DMXL2: variants seen among roughly 807,000 people sequenced by gnomAD.
DMXL2 encodes dmX-like protein 2.
DMXL2 carries 103 observed loss-of-function variants against 331.1 expected under a neutral mutation model. The observed-to-expected ratio is 0.31, with a 90% CI of 0.27 to 0.37. DMXL2 has a LOEUF of 0.37. Among genes scored for constraint, DMXL2 ranks in the 10% least tolerant of loss-of-function variants. The pLI is 1.00. For missense variants in DMXL2, 3,171 were observed against 3,642.9 expected (o/e 0.87, Z 3.33); for synonymous variants, 1,281 against 1,252.1 (o/e 1.02, Z -0.49).
intron 6 of DMXL2, among the ~76,000 whole-genome samples, chr15:51,554,755 T>C (rs747982431): frequency 2.6e-5 from 4 of 152,188 alleles, no homozygotes; most frequent in African/African-American, 7.2e-5. Flanking sequence ...CTGGTAAGCA[T>C]GGAGCATGCT....
chr15:51,536,641 G>T lies in DMXL2; in HGVS notation c.1839C>A (p.Ile613=). 1.9e-6 allele frequency: 3 copies of T among 1,614,118 alleles called. No homozygotes were observed. The highest frequency in any genetic ancestry group is 1.3e-5 in the African/African-American group (1 of 75,038). ...TTAAAGAACCATCTATGTGTTTAGA[G>T]ATCATCATTACTGTGGGAGCTAAGA... The part of the protein sequence containing the change: ...MNILAPTVMM[I]SKHIDGSLNQ... The change falls in exon 12 of 44, where the codon ATC becomes ATA. Residue 613 remains isoleucine (I), a synonymous_variant. Coordinates refer to ENST00000560891, the MANE Select transcript of DMXL2 (RefSeq NM_001378457.1).
rs57155911 is a variant in DMXL2, at chr15:51,566,687, A to T, written c.286-1521T>A. On this transcript the variant is annotated intron_variant, in intron 3 of 43. Coordinates refer to ENST00000560891, the MANE Select transcript of DMXL2 (RefSeq NM_001378457.1). ...TGTAAAAAGATATATTCAAATACAT[A>T]TATTTAATGAAAAAATACCAAAACC... 7.3e-3 allele frequency among the ~76,000 whole-genome samples: 1,116 copies of T among 152,336 alleles called. 18 individuals carry two copies. The highest frequency in any genetic ancestry group is 0.026 in the African/African-American group (1,073 of 41,576).
chr15:51,455,226 A>G lies in DMXL2; in HGVS notation c.8529T>C (p.Cys2843=). 6.2e-7 allele frequency: 1 copy of G among 1,613,566 alleles called. No individual in the cohort carries two copies. The highest frequency in any genetic ancestry group is 8.5e-7 in the Non-Finnish European group (1 of 1,179,432). The change falls in exon 40 of 44, where the codon TGT becomes TGC. Residue 2843 remains cysteine, a splice_region_variant and synonymous_variant. Transcript: ENST00000560891. ...GAAAACCCTCTCCATCCGCAACACC[A>G]CACTGTAAGAACAGTATAACTACTA... is the stretch of plus-strand genomic sequence containing the variant. ...RLYFNSQGNK[C]GVADGEGFLS... is the part of the protein sequence containing the mutation.
intron 20 of DMXL2, among the ~76,000 whole-genome samples, chr15:51,490,018 T>C (rs768542131): frequency 1.4e-4 from 22 of 152,244 alleles, no homozygotes; most frequent in Non-Finnish European, 2.1e-4. Context: ...TTTTATCCAG[T>C]GCTTTGGAAT....
Position 51,536,321 on chromosome 15 carries a change from G to A in DMXL2, c.2159C>T (p.Ala720Val), listed in dbSNP as rs763615796. The A allele has an allele frequency of 6.2e-7, 1 of 1,614,056 alleles. No individual in the cohort carries two copies. Among genetic ancestry groups the A allele is most frequent in the East Asian group, 2.2e-5 (1 of 44,882 alleles). Residue 720 changes from alanine (A) to valine (V), a missense_variant, in exon 12 of 44, where the codon GCA becomes GTA. Transcript: ENST00000560891. ...AATRTFHDPN[A>V]IYSELILWRV... ...CCACAGAATAAGTTCACTGTAGATT[G>A]CATTTGGGTCATGAAATGTACGAGT...
intron 8 of DMXL2, among the ~76,000 whole-genome samples, chr15:51,543,987 A>G (rs922943588): frequency 6.6e-6 from 1 of 152,230 alleles, no homozygotes; most frequent in Non-Finnish European, 1.5e-5. Flanking sequence ...GTGATCACAA[A>G]TATCTACTTA....
At chr15:51,547,152 A>G (rs1304423445) in intron 7 of DMXL2, 78 bp downstream of exon 7, 1 of 1,333,442 alleles carries the variant, frequency 7.5e-7, no homozygotes, top group Non-Finnish European at 1.0e-6. Flanking sequence ...CCACCATGTA[A>G]ATAAAAGGAC....
Position 51,498,597 on chromosome 15 carries a change from T to C in DMXL2, c.4627A>G (p.Thr1543Ala), listed in dbSNP as rs1312673961. The C allele has an allele frequency of 1.2e-6, 2 of 1,613,984 alleles. No homozygotes were observed. The highest frequency in any genetic ancestry group is 1.7e-6 in the Non-Finnish European group (2 of 1,179,966). Residue 1543 changes from threonine (T) to alanine (A), a missense_variant, in exon 18 of 44, where the codon ACT (threonine) becomes GCT (alanine). Transcript: ENST00000560891. ...FLVALADTVATTSTELDESRD... is the reference protein window; with the variant it reads ...FLVALADTVAATSTELDESRD... ...CTTTCATCAAGCTCAGTACTAGTAG[T>C]AGCCACTGTATCAGCCAAAGCTACA...
intron 1 of DMXL2, among the ~76,000 whole-genome samples, chr15:51,618,847 T>C (rs902332474): frequency 6.6e-6 from 1 of 152,202 alleles, no homozygotes. Flanking sequence ...TATAATTATA[T>C]AAATCATTTT....
intron 29 of DMXL2, among the ~76,000 whole-genome samples, chr15:51,468,080 A>G (rs1251428188): frequency 6.6e-6 from 1 of 152,220 alleles, no homozygotes; most frequent in African/African-American, 2.4e-5. Context: ...ATATTTTAAA[A>G]GATACTATTC....
rs912474795 is a variant in DMXL2, at chr15:51,538,103, T to C, written c.1345+110A>G. ...GGTCAGTAAATACTTGTGTAACAAA[T>C]AGAAAAGTAAAAAGGAGGAAGAGCG... On this transcript the variant is annotated intron_variant, in intron 10 of 43. Transcript: ENST00000560891. 8.1e-5 allele frequency: 111 copies of C among 1,365,432 alleles called. 1 individual carries two copies. The South Asian group carries it at 1.4e-3, about 17-fold the overall frequency. 84.6% of individuals were successfully genotyped at this position (1,365,432 alleles called of 1,614,324 possible). A position where few individuals can be genotyped will look rare whatever the true frequency, so the allele number is the denominator to read the frequency against.
At chr15:51,558,382 T>A (rs1360467822) in intron 6 of DMXL2, among the ~76,000 whole-genome samples, 1 of 152,174 alleles carries the variant, frequency 6.6e-6, no homozygotes, top group Non-Finnish European at 1.5e-5. Context: ...CCCAAAGGCA[T>A]CATGAACCTT....
intron 8 of DMXL2, among the ~76,000 whole-genome samples, chr15:51,543,889 T>C (rs970082512): frequency 7.9e-5 from 12 of 152,122 alleles, no homozygotes; most frequent in African/African-American, 2.9e-4. Flanking sequence ...TCAGGTACCA[T>C]GGAGGATACA....
intron 20 of DMXL2, among the ~76,000 whole-genome samples, chr15:51,490,055 T>C (rs2042684269): frequency 6.6e-6 from 1 of 152,242 alleles, no homozygotes; most frequent in Admixed American, 6.5e-5. Flanking sequence ...AGAAACTGTA[T>C]CATTTATATC....
rs1200347499 is a variant in DMXL2 at position 51,502,865 on chromosome 15, T to C, written c.2933A>G (p.Tyr978Cys). 3 of 1,614,010 alleles carry C rather than the reference T, an allele frequency of 1.9e-6. No homozygotes were observed. The highest frequency in any genetic ancestry group is 2.5e-6 in the Non-Finnish European group (3 of 1,180,012). ...SKLILSSRLV[Y>C]SQPLDLPESV... ...TTCTGGGAGATCAAGGGGTTGGCTA[T>C]ACACCAGTCTAGAACTCAGAATAAG... Residue 978 changes from tyrosine to cysteine, a missense_variant, in exon 17 of 44, where the codon TAT becomes TGT. Tyr to Cys is a radical substitution (Grantham distance 194). Coordinates refer to ENST00000560891, the MANE Select transcript of DMXL2 (RefSeq NM_001378457.1).
At chr15:51,510,661 T>C (rs1181679274) in intron 15 of DMXL2, among the ~76,000 whole-genome samples, 3 of 152,086 alleles carry the variant, frequency 2.0e-5, no homozygotes, top group South Asian at 2.1e-4. Flanking sequence ...CAAGCTACCA[T>C]TGACTTTCCT....
intron 15 of DMXL2, 123 bp from the exon 16 acceptor site, chr15:51,507,376 C>A: frequency 1.1e-6 from 1 of 884,496 alleles, no homozygotes; most frequent in South Asian, 2.1e-5. Context: ...GCAAGAAAGA[C>A]TTTAAGGAGG....
At chr15:51,463,275 C>T in intron 33 of DMXL2, 104 bp downstream of exon 33, 3 of 690,762 alleles carry the variant, frequency 4.3e-6, no homozygotes, top group South Asian at 2.0e-5. Flanking sequence ...TGACTATTAC[C>T]CAACCAGAAA....
At chr15:51,611,756 G>A (rs1183877429) in intron 1 of DMXL2, among the ~76,000 whole-genome samples, 1 of 152,134 alleles carries the variant, frequency 6.6e-6, no homozygotes, top group Non-Finnish European at 1.5e-5. Context: ...ATGGGGACTT[G>A]GAGAACTTTT....
Sources: gnomAD v4.1 joint callset for allele counts (sites outside exome capture counted in the v4.1 genomes callset) on GRCh38, gnomAD v4.1.1 for gene constraint, MANE v1.5 for transcripts, NCBI Gene and HGNC (gene_info 2026-07-23, HGNC 2026-07-21) for gene names.